Variants in DDX27 observed in about 807,000 individuals in gnomAD.
DDX27 encodes DEAD-box helicase 27.
DDX27 carries 42 observed loss-of-function variants against 99.3 expected under a neutral mutation model. That is an observed-to-expected ratio of 0.42 (90% confidence interval 0.33 to 0.55). The LOEUF (loss-of-function observed/expected upper bound fraction) is 0.55. Ranked by LOEUF, DDX27 falls within the 20% of genes least tolerant of loss-of-function variation. The pLI is 0.07. For missense variants in DDX27, 798 were observed against 976.8 expected, an observed-to-expected ratio of 0.82 and a Z score of 2.44; for synonymous variants, 329 against 353.8, an observed-to-expected ratio of 0.93 and a Z score of 0.79.
intron 12 of DDX27, 135 bp downstream of exon 12, chr20:49,235,223 T>A: frequency 9.9e-7 from 1 of 1,013,348 alleles, no homozygotes; most frequent in Non-Finnish European, 1.4e-6. Flanking sequence ...TTGAACATTT[T>A]AACCTAACCA....
intron 12 of DDX27, chr20:49,235,328 G>T: frequency 2.5e-6 from 1 of 395,514 alleles, no homozygotes; most frequent in Non-Finnish European, 4.4e-6. Flanking sequence ...CATGGGAGCT[G>T]TTGTGTGGCG....
intron 4 of DDX27, among the ~76,000 whole-genome samples, chr20:49,223,949 C>T (rs1297503297): frequency 6.6e-6 from 1 of 151,988 alleles, no homozygotes; most frequent in Non-Finnish European, 1.5e-5. Flanking sequence ...GCAATCATAC[C>T]TCACTGGAAG....
chr20:49,239,613 A>G (rs1359366447), intron 16 of DDX27, among the ~76,000 whole-genome samples: 1 of 152,174 alleles, frequency 6.6e-6, no homozygotes, highest in Non-Finnish European at 1.5e-5. Context: ...ACAGGAGGCC[A>G]AGCACAGGTG....
intron 18 of DDX27, 127 bp downstream of exon 18, chr20:49,242,333 A>G (rs1014687653): frequency 1.2e-5 from 17 of 1,444,758 alleles, no homozygotes; most frequent in Middle Eastern, 4.9e-4. Context: ...GTATGTACCA[A>G]TGTGTACAGC....
At chr20:49,230,399 G>A (rs1225437637) in intron 9 of DDX27, 50 bp downstream of exon 9, 5 of 1,564,822 alleles carry the variant, frequency 3.2e-6, no homozygotes, top group South Asian at 2.3e-5. Context: ...CCAAGGCCCA[G>A]AACCTGGATG....
chr20:49,222,778 G>T (rs1979736243), intron 2 of DDX27, among the ~76,000 whole-genome samples, 179 bp from the exon 3 acceptor site: 1 of 152,076 alleles, frequency 6.6e-6, no homozygotes, highest in Non-Finnish European at 1.5e-5. Context: ...CTCCCAAAGT[G>T]CTGGGATTAC....
chr20:49,235,163 T>A, intron 12 of DDX27, 75 bp downstream of exon 12: 1 of 1,485,326 alleles, frequency 6.7e-7, no homozygotes, highest in Non-Finnish European at 9.0e-7. Flanking sequence ...AAGAGGACCC[T>A]GAGCATTCTA....
chr20:49,228,665 G>A (rs1979985973), intron 7 of DDX27, 50 bp from the exon 8 acceptor site: 3 of 1,509,556 alleles, frequency 2.0e-6, no homozygotes, highest in Non-Finnish European at 2.7e-6. Flanking sequence ...ACCTAACCCT[G>A]GAGGGAGCTA....
intron 4 of DDX27, among the ~76,000 whole-genome samples, chr20:49,224,485 C>T (rs1979805747): frequency 1.3e-5 from 2 of 151,686 alleles, no homozygotes; most frequent in Admixed American, 1.3e-4. Context: ...GTCTCAGCCT[C>T]CCAAGTAGCT....
chr20:49,241,104 C>CT (rs1482100950), intron 16 of DDX27, among the ~76,000 whole-genome samples: 4 of 152,116 alleles, frequency 2.6e-5, no homozygotes, highest in Non-Finnish European at 5.9e-5. Flanking sequence ...CACATATGCC[C>CT]TTTTACAATT....
At position 49,223,261 on chromosome 20, in the gene DDX27, T is replaced by C. The variant is rs1039399726; in HGVS notation, c.301-7T>C. 1.9e-6 allele frequency: 3 copies of C among 1,601,318 alleles called. No homozygotes were observed. Among genetic ancestry groups the C allele is most frequent in the Non-Finnish European group, 2.5e-6 (3 of 1,176,780 alleles). On this transcript the variant is annotated splice_region_variant and splice_polypyrimidine_tract_variant and intron_variant, in intron 3 of 20. Coordinates refer to ENST00000618172, the MANE Select transcript of DDX27 (RefSeq NM_017895.8). ...TCTCATCACCCTCACTTTAATTTTTTTCCCAGGATAAAGAAGCCAAGTCTG... is the reference window on the plus strand; with the variant it reads ...TCTCATCACCCTCACTTTAATTTTTCTCCCAGGATAAAGAAGCCAAGTCTG...
chr20:49,239,074 A>G lies in DDX27; in HGVS notation c.1794+19A>G. 3.1e-6 allele frequency: 5 copies of G among 1,602,354 alleles called. No homozygotes were observed. Among genetic ancestry groups the G allele is most frequent in the Non-Finnish European group, 4.3e-6 (5 of 1,169,372 alleles). ...AGCCCAGGTGAGGCTGCGAGGCGGGATCTTGTTCACAAGGCTGCTCAGTAA... is the reference window on the plus strand; with the variant it reads ...AGCCCAGGTGAGGCTGCGAGGCGGGGTCTTGTTCACAAGGCTGCTCAGTAA... On this transcript the variant is annotated intron_variant, in intron 15 of 20. Coordinates refer to ENST00000618172, the MANE Select transcript of DDX27 (RefSeq NM_017895.8).
At chr20:49,225,287 A>T (rs973897254) in intron 6 of DDX27, 88 bp downstream of exon 6, 1 of 1,125,972 alleles carries the variant, frequency 8.9e-7, no homozygotes, top group Non-Finnish European at 1.3e-6. Flanking sequence ...GCATCAAGCA[A>T]TCCTCTTGCC....
rs1222933325 is a variant in DDX27, at chr20:49,236,201, C to T, written c.1479C>T (p.Ala493=). The change falls in exon 13 of 21, where the codon GCC becomes GCT. Residue 493 remains alanine (A), a synonymous_variant. Coordinates refer to ENST00000618172, the MANE Select transcript of DDX27 (RefSeq NM_017895.8). The surrounding 1 kb of genome is among the most constrained non-coding windows in gnomAD (Gnocchi z 4.1). ...TCCTCGTGGCCACTGATGTGGCAGC[C>T]CGTGGACTTGACATTGAGGGGGTCA... ...IDILVATDVA[A]RGLDIEGVKT... The T allele has an allele frequency of 1.2e-6, 2 of 1,611,988 alleles. No individual in the cohort carries two copies. Among genetic ancestry groups the T allele is most frequent in the Admixed American group, 3.4e-5 (2 of 59,542 alleles).
At position 49,236,257 on chromosome 20, in the gene DDX27, C is replaced by T. The variant is rs768249730; in HGVS notation, c.1509+26C>T. The T allele has an allele frequency of 2.5e-6, 4 of 1,581,492 alleles. No homozygotes were observed. In the South Asian group the frequency reaches 4.6e-5, roughly 18 times the overall value. ...GTGAGCAGACACTATCTTCCTTGGACTTTTGGTGGAAGTCTTTTTGCCTCT... is the reference window on the plus strand; with the variant it reads ...GTGAGCAGACACTATCTTCCTTGGATTTTTGGTGGAAGTCTTTTTGCCTCT... On this transcript the variant is annotated intron_variant, in intron 13 of 20. Coordinates refer to ENST00000618172, the MANE Select transcript of DDX27 (RefSeq NM_017895.8). This position sits in a 1 kb window ranked among gnomAD's most constrained non-coding sequence, Gnocchi z 4.1.
intron 17 of DDX27, 35 bp downstream of exon 17, chr20:49,242,022 CGGTG>C (rs1568978059): frequency 1.9e-6 from 3 of 1,613,586 alleles, no homozygotes; most frequent in African/African-American, 1.3e-5. Context: ...TGGGCCCACT[CGGTG>C]GGGTGGGTCA....
intron 7 of DDX27, among the ~76,000 whole-genome samples, chr20:49,227,555 G>C (rs238163): frequency 0.69 from 104,785 of 151,906 alleles, 36,928 homozygotes; most frequent in Non-Finnish European, 0.78. Context: ...TTAGTAGAGA[G>C]AGGGTTTCAC....
Position 49,235,726 on chromosome 20 carries a change from C to G in DDX27, c.1428-424C>G, listed in dbSNP as rs144690872. The G allele has an allele frequency of 1.3e-4, 21 of 156,668 alleles. No individual in the cohort carries two copies. In the East Asian group the frequency reaches 2.6e-3, roughly 20 times the overall value. 9.7% of individuals were successfully genotyped at this position (156,668 alleles called of 1,614,324 possible). The stretch of plus-strand genomic sequence containing the variant: ...GGTGGGTGTAAATATCCCATGTGCT[C>G]ACATTTAGAATCTATCCCTATTTTT... On this transcript the variant is annotated intron_variant, in intron 12 of 20. Coordinates refer to ENST00000618172, the MANE Select transcript of DDX27 (RefSeq NM_017895.8).
rs567500093 is a variant in DDX27 at position 49,236,022 on chromosome 20, C to T, written c.1428-128C>T. On this transcript the variant is annotated intron_variant, in intron 12 of 20. Coordinates refer to ENST00000618172, the MANE Select transcript of DDX27 (RefSeq NM_017895.8). The surrounding 1 kb of genome is among the most constrained non-coding windows in gnomAD (Gnocchi z 4.1). ...CCTCCCAAAGTGCTGGGATTACAGGCGTGAGCCACCGTGCCCAGCCTCTAT... is the reference window on the plus strand; with the variant it reads ...CCTCCCAAAGTGCTGGGATTACAGGTGTGAGCCACCGTGCCCAGCCTCTAT... 31 of 806,386 alleles carry T rather than the reference C, an allele frequency of 3.8e-5. No homozygotes were observed. Among genetic ancestry groups the T allele is most frequent in the Non-Finnish European group, 5.4e-5 (28 of 519,286 alleles). The allele number at this position is 806,386 out of a possible 1,614,324, so 50.0% of individuals were successfully genotyped here.
Sources: allele counts gnomAD v4.1 joint callset (sites outside exome capture counted in the v4.1 genomes callset), GRCh38; gene constraint gnomAD v4.1.1; non-coding constraint Gnocchi (gnomAD v3.1); transcripts MANE v1.5; gene names NCBI Gene and HGNC (gene_info 2026-07-23, HGNC 2026-07-21).